Variants in DCLK1 observed in about 807,000 individuals in gnomAD.
DCLK1 encodes the protein doublecortin like kinase 1.
In DCLK1, 16 loss-of-function variants were observed where a neutral mutation model predicts 86.2. That is an observed-to-expected ratio of 0.19 (90% CI 0.13 to 0.28). The LOEUF is 0.28. Among genes scored for constraint, DCLK1 ranks in the 10% least tolerant of loss-of-function variants. DCLK1 has a pLI of 1.00. For missense variants in DCLK1, 590 were observed against 940.2 expected (o/e 0.63, Z 4.87); for synonymous variants, 369 against 370.5 (o/e 1.00, Z 0.05).
At chr13:35,879,970 C>T (rs565736676) in intron 4 of DCLK1, among the ~76,000 whole-genome samples, 1 of 152,282 alleles carries the variant, frequency 6.6e-6, no homozygotes, top group South Asian at 2.1e-4. Context: ...GGTAGAGAAC[C>T]ACTGCCAATG....
chr13:35,793,450 C>G lies in DCLK1; in HGVS notation c.1974G>C (p.Gln658His). Residue 658 changes from glutamine (Q) to histidine (H), a missense_variant, in exon 16 of 17, where the codon CAG becomes CAC. Transcript: ENST00000360631. ...NDDGLPENEH[Q>H]LSVAGKIKKH... Reference sequence around the variant, plus strand: ...TCTTTATCTTTCCAGCTACTGACAGCTGATGTTCATTTTCTGGGAGGCCAT... The same window carrying G: ...TCTTTATCTTTCCAGCTACTGACAGGTGATGTTCATTTTCTGGGAGGCCAT... The G allele has an allele frequency of 6.2e-7, 1 of 1,606,704 alleles. No homozygotes were observed. Among genetic ancestry groups the G allele is most frequent in the South Asian group, 1.1e-5 (1 of 89,918 alleles).
At chr13:36,070,707 T>A (rs758171974) in intron 3 of DCLK1, among the ~76,000 whole-genome samples, 1 of 152,074 alleles carries the variant, frequency 6.6e-6, no homozygotes, top group Non-Finnish European at 1.5e-5. Context: ...AATGGCGCAA[T>A]CTCGGCTCAC....
chr13:35,809,125 A>C, intron 12 of DCLK1, 30 bp from the exon 13 acceptor site: 1 of 1,593,946 alleles, frequency 6.3e-7, no homozygotes, highest in Non-Finnish European at 8.6e-7. Flanking sequence ...TAGAGTTAGG[A>C]GGGTCAGGCT....
At chr13:35,795,341 G>GA (rs1408836569) in intron 15 of DCLK1, among the ~76,000 whole-genome samples, 1 of 152,160 alleles carries the variant, frequency 6.6e-6, no homozygotes, top group Non-Finnish European at 1.5e-5. Flanking sequence ...AGAGAAAGCT[G>GA]AAAAAACAGA....
At chr13:35,928,791 T>C (rs990528219) in intron 4 of DCLK1, among the ~76,000 whole-genome samples, 2 of 152,226 alleles carry the variant, frequency 1.3e-5, no homozygotes, top group African/African-American at 4.8e-5. Flanking sequence ...GCTCCTGCAA[T>C]ATAATAAATT....
rs544222635 is a variant in DCLK1 at position 36,116,888 on chromosome 13, C to T, written c.377-4673G>A. ...TTACAGAATAGAATATCGTAAAGTACCTTCTGGATATTACATTTTATGAGG... is the reference window on the plus strand; with the variant it reads ...TTACAGAATAGAATATCGTAAAGTATCTTCTGGATATTACATTTTATGAGG... On this transcript the variant is annotated intron_variant, in intron 2 of 16. Coordinates refer to ENST00000360631, the MANE Select transcript of DCLK1 (RefSeq NM_001330071.2). Among the ~76,000 whole-genome samples, 6 of 152,200 alleles carry T rather than the reference C, an allele frequency of 3.9e-5. No individual in the cohort carries two copies. In the South Asian group the frequency reaches 8.3e-4, roughly 21 times the overall value.
At chr13:36,114,685 A>T (rs1885721054) in intron 2 of DCLK1, among the ~76,000 whole-genome samples, 2 of 152,226 alleles carry the variant, frequency 1.3e-5, no homozygotes, top group African/African-American at 4.8e-5. Flanking sequence ...CATAACACTG[A>T]ACTTCTCTCT....
intron 6 of DCLK1, among the ~76,000 whole-genome samples, chr13:35,851,998 T>C (rs954604782): frequency 7.0e-6 from 1 of 142,832 alleles, no homozygotes; most frequent in African/African-American, 2.7e-5. Flanking sequence ...TGTGTGTATG[T>C]GTGTGTGTGT....
Position 35,976,525 on chromosome 13 carries a change from G to GTTTTTTTTTTTTTTTTTTTT in DCLK1, c.724-29088_724-29069dup, listed in dbSNP as rs11294824. ...CTCCCAGCACTTCAGCTTCTCCGAGGTTTTTTTTTTTTTTTTTTTTTTTGA... is the reference window on the plus strand; with the variant it reads ...CTCCCAGCACTTCAGCTTCTCCGAGGTTTTTTTTTTTTTTTTTTTTTTTTTTTTTTTTTTTTTTTTTTTGA... On this transcript the variant is annotated intron_variant, in intron 3 of 16. Coordinates refer to ENST00000360631, the MANE Select transcript of DCLK1 (RefSeq NM_001330071.2). Among the ~76,000 whole-genome samples the GTTTTTTTTTTTTTTTTTTTT allele has an allele frequency of 3.4e-4, 19 of 56,350 alleles. 4 individuals carry two copies. Among genetic ancestry groups the GTTTTTTTTTTTTTTTTTTTT allele is most frequent in the Admixed American group, 6.1e-4 (2 of 3,260 alleles). The allele number at this position is 56,350 out of a possible 152,430, so 37.0% of individuals were successfully genotyped here.
At chr13:35,871,380 T>C in intron 4 of DCLK1, 40 bp from the exon 5 acceptor site, 1 of 1,485,568 alleles carries the variant, frequency 6.7e-7, no homozygotes, top group East Asian at 2.3e-5. Flanking sequence ...TATGGGGTAA[T>C]GGCACACACA....
At chr13:36,008,171 C>T (rs903915567) in intron 3 of DCLK1, among the ~76,000 whole-genome samples, 8 of 112,446 alleles carry the variant, frequency 7.1e-5, no homozygotes, top group African/African-American at 1.4e-4. Context: ...TCTCTACCAT[C>T]TTTTTTTTTT....
chr13:35,922,271 C>T (rs965771510), intron 4 of DCLK1, among the ~76,000 whole-genome samples: 1 of 152,090 alleles, frequency 6.6e-6, no homozygotes, highest in African/African-American at 2.4e-5. Context: ...ACCCAATAAA[C>T]ATTTCTTGGG....
chr13:36,025,203 G>C (rs1952314895), intron 3 of DCLK1, among the ~76,000 whole-genome samples: 1 of 151,982 alleles, frequency 6.6e-6, no homozygotes, highest in Non-Finnish European at 1.5e-5. Flanking sequence ...CCTGACCTCA[G>C]GTGATCCACC....
intron 5 of DCLK1, 40 bp from the exon 6 acceptor site, chr13:35,854,633 G>A (rs1390833872): frequency 2.8e-5 from 42 of 1,481,268 alleles, no homozygotes; most frequent in East Asian, 4.8e-5. Context: ...AAAATGGCAC[G>A]TTAAATAATT....
intron 4 of DCLK1, among the ~76,000 whole-genome samples, chr13:35,938,499 C>T (rs1820250302): frequency 6.6e-6 from 1 of 151,980 alleles, no homozygotes; most frequent in African/African-American, 2.4e-5. Context: ...CATGATGGCA[C>T]GTGCCTGTAG....
chr13:35,938,659 T>C (rs1226587423), intron 4 of DCLK1, among the ~76,000 whole-genome samples: 2 of 150,620 alleles, frequency 1.3e-5, no homozygotes, highest in East Asian at 1.9e-4. Context: ...GACAGTGGAA[T>C]TGGCCTTTTT....
chr13:35,843,240 GT>G (rs1287662521), intron 6 of DCLK1, among the ~76,000 whole-genome samples: 1 of 152,186 alleles, frequency 6.6e-6, no homozygotes, highest in East Asian at 1.9e-4. Flanking sequence ...AAAACGTACA[GT>G]TATTTTAGAA....
At chr13:35,826,767 C>G (rs559641262) in intron 10 of DCLK1, among the ~76,000 whole-genome samples, 1 of 152,072 alleles carries the variant, frequency 6.6e-6, no homozygotes, top group African/African-American at 2.4e-5. Context: ...GAGAAAACCT[C>G]ACATTCAAGT....
chr13:35,963,068 C>T (rs572298476), intron 3 of DCLK1, among the ~76,000 whole-genome samples: 2 of 152,306 alleles, frequency 1.3e-5, no homozygotes, highest in African/African-American at 2.4e-5. Flanking sequence ...TGGGCAGGAC[C>T]TTGCACTGCA....
Sources: allele counts gnomAD v4.1 joint callset (sites outside exome capture counted in the v4.1 genomes callset), GRCh38; gene constraint gnomAD v4.1.1; transcripts MANE v1.5; gene names NCBI Gene and HGNC (gene_info 2026-07-23, HGNC 2026-07-21).